Variants in ARHGAP15 observed in about 807,000 individuals in gnomAD.
The protein encoded by ARHGAP15 is Rho GTPase activating protein 15.
Under a neutral mutation model 63.7 loss-of-function variants are expected in ARHGAP15, and 51 were observed. The observed-to-expected ratio is 0.80, with a 90% CI of 0.64 to 1.01. ARHGAP15 has a LOEUF of 1.01. Among genes scored for constraint, ARHGAP15 ranks in the 50% least tolerant of loss-of-function variants. ARHGAP15 has a pLI of 0.00. For synonymous variants in ARHGAP15, 191 were observed against 193.8 expected (o/e 0.99, Z 0.12); for missense variants, 560 against 564.6 (o/e 0.99, Z 0.08).
At chr2:143,618,355 C>G (rs1391606082) in intron 11 of ARHGAP15, among the ~76,000 whole-genome samples, 1 of 152,168 alleles carries the variant, frequency 6.6e-6, no homozygotes, top group African/African-American at 2.4e-5. Flanking sequence ...CCTCTGGCAT[C>G]TCTTCCATTT....
At chr2:143,320,761 G>A (rs1365947303) in intron 6 of ARHGAP15, among the ~76,000 whole-genome samples, 2 of 152,174 alleles carry the variant, frequency 1.3e-5, no homozygotes, top group East Asian at 3.9e-4. Context: ...GTGGGTTAGA[G>A]AGGGAGGTTA....
intron 11 of ARHGAP15, among the ~76,000 whole-genome samples, chr2:143,561,297 CAA>C (rs1326459094): frequency 8.5e-5 from 13 of 152,140 alleles, no homozygotes; most frequent in Admixed American, 4.6e-4. Flanking sequence ...GAAAAAGGGA[CAA>C]GAGAGATTGG....
intron 6 of ARHGAP15, among the ~76,000 whole-genome samples, chr2:143,270,533 C>T (rs1026104457): frequency 3.9e-5 from 6 of 152,222 alleles, no homozygotes; most frequent in Non-Finnish European, 8.8e-5. Context: ...CTCAAGTACT[C>T]TGCACATTCA....
chr2:143,237,759 A>G (rs530802982), intron 5 of ARHGAP15: 1 of 152,282 alleles, frequency 6.6e-6, no homozygotes, highest in East Asian at 1.9e-4. Context: ...TATAAATTCA[A>G]AAACATTGTA....
At chr2:143,134,801 AT>A (rs35076104) in intron 1 of ARHGAP15, among the ~76,000 whole-genome samples, 118,864 of 151,376 alleles carry the variant, frequency 0.79, 47,073 homozygotes, top group Non-Finnish European at 0.83. Flanking sequence ...AGCCCAGCTA[AT>A]TTTTTTTTGT....
chr2:143,420,498 A>G (rs1336389773), intron 6 of ARHGAP15, among the ~76,000 whole-genome samples: 2 of 152,162 alleles, frequency 1.3e-5, no homozygotes, highest in African/African-American at 2.4e-5. Context: ...CTCACATAGC[A>G]TAAGTCTCTG....
intron 10 of ARHGAP15, among the ~76,000 whole-genome samples, chr2:143,546,049 A>T (rs1010380322): frequency 3.3e-5 from 5 of 152,216 alleles, no homozygotes; most frequent in African/African-American, 1.2e-4. Flanking sequence ...TTTAAGAAAG[A>T]TCACTTTACA....
intron 13 of ARHGAP15, chr2:143,703,800 TG>T: frequency 3.9e-6 from 1 of 258,270 alleles, no homozygotes; most frequent in South Asian, 9.7e-5. Flanking sequence ...GACCCTGGGA[TG>T]GGTCATCTTG....
intron 1 of ARHGAP15, among the ~76,000 whole-genome samples, chr2:143,141,357 G>C (rs910825379): frequency 6.6e-6 from 1 of 152,096 alleles, no homozygotes; most frequent in African/African-American, 2.4e-5. Flanking sequence ...TGAGAGCAAG[G>C]CATGGGACCA....
At chr2:143,765,836 G>GC (rs1330627544) in intron 13 of ARHGAP15, among the ~76,000 whole-genome samples, 1 of 151,996 alleles carries the variant, frequency 6.6e-6, no homozygotes, top group Non-Finnish European at 1.5e-5. Context: ...TGTGACACTG[G>GC]CTGTCACACC....
chr2:143,755,274 T>TG (rs11298875), intron 13 of ARHGAP15, among the ~76,000 whole-genome samples: 12,836 of 134,142 alleles, frequency 0.096, 1,078 homozygotes, highest in African/African-American at 0.24. Flanking sequence ...CCAGCATATA[T>TG]GGGGGGGGGG....
intron 8 of ARHGAP15, among the ~76,000 whole-genome samples, chr2:143,475,486 G>A (rs565001051): frequency 3.9e-4 from 60 of 152,346 alleles, no homozygotes; most frequent in African/African-American, 1.4e-3. Flanking sequence ...AAACTATTCT[G>A]TGAGAGACTC....
chr2:143,212,176 A>AG (rs1299982935), intron 3 of ARHGAP15, among the ~76,000 whole-genome samples: 3 of 152,154 alleles, frequency 2.0e-5, no homozygotes, highest in Non-Finnish European at 2.9e-5. Context: ...CAGTTAACAC[A>AG]CTAGTCTTTC....
chr2:143,682,665 T>C (rs578164927), intron 12 of ARHGAP15: 1 of 152,288 alleles, frequency 6.6e-6, no homozygotes, highest in East Asian at 1.9e-4. Context: ...GGTGCTGGTG[T>C]TTCAGTACTT....
intron 6 of ARHGAP15, among the ~76,000 whole-genome samples, chr2:143,335,992 T>C (rs1178470023): frequency 1.3e-5 from 2 of 151,214 alleles, no homozygotes; most frequent in African/African-American, 4.8e-5. Flanking sequence ...TTATTTATTA[T>C]TATTATTTTG....
chr2:143,330,139 C>CAAAAAAAAAAAAAAAAAAAAA (rs1553465099), intron 6 of ARHGAP15, among the ~76,000 whole-genome samples: 1 of 55,508 alleles, frequency 1.8e-5, no homozygotes, highest in Non-Finnish European at 3.6e-5. Context: ...AAACCAAAAA[C>CAAAAAAAAAAAAAAAAAAAAA]AAAAAACTAA....
At chr2:143,357,520 C>T (rs961532295) in intron 6 of ARHGAP15, among the ~76,000 whole-genome samples, 10 of 152,156 alleles carry the variant, frequency 6.6e-5, no homozygotes, top group African/African-American at 2.4e-4. Flanking sequence ...TAACTTTCCT[C>T]TTTAATGCTT....
At chr2:143,145,346 C>T (rs913020821) in intron 1 of ARHGAP15, among the ~76,000 whole-genome samples, 1 of 152,040 alleles carries the variant, frequency 6.6e-6, no homozygotes, top group African/African-American at 2.4e-5. Flanking sequence ...ACCTCTTCCT[C>T]ACTGGACATT....
intron 13 of ARHGAP15, among the ~76,000 whole-genome samples, chr2:143,754,367 A>G (rs1686494463): frequency 6.6e-6 from 1 of 152,150 alleles, no homozygotes; most frequent in South Asian, 2.1e-4. Flanking sequence ...CAGAGAAAGT[A>G]TCTAGTTTTT....
Sources: allele counts gnomAD v4.1 joint callset (sites outside exome capture counted in the v4.1 genomes callset), GRCh38; gene constraint gnomAD v4.1.1; transcripts MANE v1.5; gene names NCBI Gene and HGNC (gene_info 2026-07-23, HGNC 2026-07-21).